BMP6: variants seen among roughly 807,000 people sequenced by gnomAD.
BMP6 encodes bone morphogenetic protein 6, also known as VG-1-R.
A neutral mutation model predicts 54.1 loss-of-function variants in BMP6; 17 were observed. The ratio of observed to expected loss-of-function variants is 0.31; its 90% CI spans 0.22 to 0.47. The LOEUF (loss-of-function observed/expected upper bound fraction) is 0.47, where lower values mean the gene tolerates loss of function less well. Among genes scored for constraint, BMP6 ranks in the 20% least tolerant of loss-of-function variants. The pLI is 1.00. For missense variants in BMP6, 720 were observed against 690.4 expected, an observed-to-expected ratio of 1.04 and a Z score of -0.48; for synonymous variants, 328 against 291.2, an observed-to-expected ratio of 1.13 and a Z score of -1.28.
intron 1 of BMP6, among the ~76,000 whole-genome samples, chr6:7,744,148 A>G (rs1047488051): frequency 5.3e-5 from 8 of 152,194 alleles, no homozygotes; most frequent in Non-Finnish European, 1.0e-4. Context: ...CCATTTTCCC[A>G]TTCAGCTGTC....
chr6:7,824,731 A>G (rs13214987), intron 1 of BMP6, among the ~76,000 whole-genome samples: 20,872 of 152,150 alleles, frequency 0.14, 1,816 homozygotes, highest in African/African-American at 0.24. Context: ...TATTTGTTGC[A>G]TTTGGTGATT....
At chr6:7,751,550 T>C (rs1463991682) in intron 1 of BMP6, among the ~76,000 whole-genome samples, 1 of 152,242 alleles carries the variant, frequency 6.6e-6, no homozygotes, top group African/African-American at 2.4e-5. Flanking sequence ...ATATATTTTC[T>C]GCCTCGGCAT....
At chr6:7,858,383 C>A (rs1159384343) in intron 2 of BMP6, among the ~76,000 whole-genome samples, 2 of 152,294 alleles carry the variant, frequency 1.3e-5, no homozygotes, top group African/African-American at 4.8e-5. Flanking sequence ...CCACACCCAG[C>A]CTTCCCAACC....
intron 1 of BMP6, among the ~76,000 whole-genome samples, chr6:7,776,833 G>T (rs1056250586): frequency 2.0e-5 from 3 of 152,172 alleles, no homozygotes; most frequent in African/African-American, 4.8e-5. Context: ...ATGGGAAGCT[G>T]CTTAGCTCTG....
At chr6:7,779,839 G>A (rs1367228685) in intron 1 of BMP6, among the ~76,000 whole-genome samples, 3 of 152,268 alleles carry the variant, frequency 2.0e-5, no homozygotes, top group East Asian at 3.9e-4. Context: ...TGCCATCTGA[G>A]GTCAGGAAGG....
At chr6:7,817,221 A>G (rs1441290147) in intron 1 of BMP6, among the ~76,000 whole-genome samples, 1 of 152,148 alleles carries the variant, frequency 6.6e-6, no homozygotes, top group African/African-American at 2.4e-5. Flanking sequence ...TGTTCTTCCC[A>G]GGTCTTCTGG....
At chr6:7,876,347 C>T (rs1243933210) in intron 4 of BMP6, among the ~76,000 whole-genome samples, 2 of 152,198 alleles carry the variant, frequency 1.3e-5, no homozygotes, top group African/African-American at 2.4e-5. Flanking sequence ...ATCTGATCCT[C>T]TTGGAACTCT....
At chr6:7,869,796 C>T (rs1367715355) in intron 4 of BMP6, among the ~76,000 whole-genome samples, 2 of 152,152 alleles carry the variant, frequency 1.3e-5, no homozygotes, top group Non-Finnish European at 2.9e-5. Context: ...TGAGAACTCC[C>T]CACCAGAACT....
chr6:7,780,818 C>T (rs1411668454), intron 1 of BMP6, among the ~76,000 whole-genome samples: 2 of 73,444 alleles, frequency 2.7e-5, no homozygotes, highest in African/African-American at 1.1e-4. Context: ...TCAAGCCATC[C>T]TCCCCGTTCA....
At chr6:7,856,892 G>A (rs568888326) in intron 2 of BMP6, among the ~76,000 whole-genome samples, 4 of 152,060 alleles carry the variant, frequency 2.6e-5, no homozygotes, top group African/African-American at 7.2e-5. Context: ...CACCGCGCCC[G>A]GCCTCAAGAG....
chr6:7,811,025 G>GTA (rs1758428445), intron 1 of BMP6, among the ~76,000 whole-genome samples: 1 of 152,156 alleles, frequency 6.6e-6, no homozygotes, highest in South Asian at 2.1e-4. Flanking sequence ...ACCCCCATGT[G>GTA]GCCCCCAGGG....
At chr6:7,800,579 C>T (rs1338107147) in intron 1 of BMP6, among the ~76,000 whole-genome samples, 1 of 152,102 alleles carries the variant, frequency 6.6e-6, no homozygotes, top group Admixed American at 6.5e-5. Flanking sequence ...TTGTTTTCTT[C>T]TTATTAAGCT....
rs183904327 is a variant in BMP6 at position 7,730,903 on chromosome 6, A to G, written c.664+3284A>G. Among the ~76,000 whole-genome samples, 246 of 152,378 alleles carry G rather than the reference A, an allele frequency of 1.6e-3. 2 individuals carry two copies. The highest frequency in any genetic ancestry group is 6.8e-3 in the Middle Eastern group (2 of 294). On this transcript the variant is annotated intron_variant, in intron 1 of 6. Transcript: ENST00000283147. ...ATTACACACTGGAAGTACAAGGGAA[A>G]GTATTACATAGTTGTAAACATCCGA...
intron 1 of BMP6, among the ~76,000 whole-genome samples, chr6:7,730,836 C>T (rs145568675): frequency 7.9e-5 from 12 of 152,288 alleles, no homozygotes; most frequent in South Asian, 2.1e-4. Flanking sequence ...AACATGACAG[C>T]GCTGCGTTTT....
At chr6:7,765,126 A>G (rs1322413014) in intron 1 of BMP6, among the ~76,000 whole-genome samples, 2 of 152,212 alleles carry the variant, frequency 1.3e-5, no homozygotes, top group African/African-American at 4.8e-5. Context: ...GGCATGGACC[A>G]TTCCCGAGAC....
chr6:7,794,620 A>AAC (rs1758165749), intron 1 of BMP6, among the ~76,000 whole-genome samples: 1 of 151,568 alleles, frequency 6.6e-6, no homozygotes, highest in Non-Finnish European at 1.5e-5. Flanking sequence ...AAAAAAAAAA[A>AAC]AGGAGAAGAA....
At chr6:7,763,007 C>T (rs1368605086) in intron 1 of BMP6, among the ~76,000 whole-genome samples, 2 of 152,234 alleles carry the variant, frequency 1.3e-5, no homozygotes, top group Non-Finnish European at 2.9e-5. Flanking sequence ...GTGCGGCAGG[C>T]GCCCAGCTCT....
Position 7,726,955 on chromosome 6 carries a change from G to T in BMP6, c.-1G>T. 8.8e-7 allele frequency: 1 copy of T among 1,135,176 alleles called. No individual in the cohort carries two copies. Among genetic ancestry groups the T allele is most frequent in the Non-Finnish European group, 1.1e-6 (1 of 926,068 alleles). The allele number at this position is 1,135,176 out of a possible 1,614,324, so 70.3% of individuals were successfully genotyped here. A position where few individuals can be genotyped will look rare whatever the true frequency, so the allele number is the denominator to read the frequency against. ...CGCGGGGGCAGCCCGGCCGGGCGGG[G>T]ATGCCGGGGCTGGGGCGGAGGGCGC... is the stretch of plus-strand genomic sequence containing the variant. On this transcript the variant is annotated 5_prime_UTR_variant, in exon 1 of 7. Coordinates refer to ENST00000283147, the MANE Select transcript of BMP6 (RefSeq NM_001718.6).
At chr6:7,835,394 C>T (rs368129776) in intron 1 of BMP6, among the ~76,000 whole-genome samples, 26 of 152,266 alleles carry the variant, frequency 1.7e-4, no homozygotes, top group African/African-American at 5.5e-4. Context: ...CCACCGTGCC[C>T]GGCCAGGAAT....
Sources: allele counts gnomAD v4.1 joint callset (sites outside exome capture counted in the v4.1 genomes callset), GRCh38; gene constraint gnomAD v4.1.1; transcripts MANE v1.5; gene names NCBI Gene and HGNC (gene_info 2026-07-23, HGNC 2026-07-21).